CD276: variants seen among roughly 807,000 people sequenced by gnomAD.
The protein encoded by CD276 is CD276 molecule.
In CD276, 34 loss-of-function variants were observed where a neutral mutation model predicts 50.0. The ratio of observed to expected loss-of-function variants is 0.68; its 90% CI spans 0.52 to 0.91. CD276 has a LOEUF of 0.91. CD276 is among the 40% of genes least tolerant of loss of function. CD276 has a pLI of 0.00. For missense variants in CD276, 634 were observed against 717.5 expected (o/e 0.88, Z 1.33); for synonymous variants, 275 against 313.0 (o/e 0.88, Z 1.28).
At chr15:73,711,114 T>C (rs370916629) in intron 8 of CD276, 21 bp from the exon 9 acceptor site, 97 of 1,613,952 alleles carry the variant, frequency 6.0e-5, no homozygotes, top group Middle Eastern at 5.0e-4. Context: ...CCTCACCGTG[T>C]GCGCCTTCCT....
intron 9 of CD276, 60 bp downstream of exon 9, chr15:73,711,230 TGA>T: frequency 6.3e-7 from 1 of 1,575,270 alleles, no homozygotes; most frequent in Non-Finnish European, 8.7e-7. Flanking sequence ...TGTGAGAGGC[TGA>T]GAGGGTGGGT....
chr15:73,708,222 A>G (rs1406291360), intron 6 of CD276, 117 bp from the exon 7 acceptor site: 1 of 1,092,744 alleles, frequency 9.2e-7, no homozygotes, highest in Non-Finnish European at 1.3e-6. Flanking sequence ...AGCTTTATTC[A>G]TAGTGTTAGG....
intron 7 of CD276, among the ~76,000 whole-genome samples, chr15:73,709,142 G>A (rs1179676956): frequency 6.6e-6 from 1 of 152,186 alleles, no homozygotes; most frequent in Admixed American, 6.5e-5. Flanking sequence ...TGAGCAGGTA[G>A]ACGGCTGGTT....
At position 73,701,844 on chromosome 15, in the gene CD276, C is replaced by T. The variant is rs533766211; in HGVS notation, c.80-411C>T. 4.7e-4 allele frequency among the ~76,000 whole-genome samples: 72 copies of T among 152,336 alleles called. 2 individuals are homozygous for T. In the South Asian group the frequency reaches 8.1e-3, roughly 17 times the overall value. ...ACTCCCCAATTTATAACATTACTTA[C>T]GCTCATGGGGAAATGCACATGGTGC... On this transcript the variant is annotated intron_variant, in intron 2 of 9. Coordinates refer to ENST00000318443, the MANE Select transcript of CD276 (RefSeq NM_001024736.2).
intron 2 of CD276, 76 bp downstream of exon 2, chr15:73,699,794 TA>T (rs1900309300): frequency 3.4e-6 from 5 of 1,486,716 alleles, no homozygotes; most frequent in Admixed American, 2.3e-5. Flanking sequence ...CCACGCCTGT[TA>T]GGGGTCCTGC....
In CD276 at chr15:73,687,054, G is replaced by T. The variant is rs1265099716; in HGVS notation, c.-55+2594G>T. Among the ~76,000 whole-genome samples the T allele has an allele frequency of 6.6e-6, 1 of 152,116 alleles. No individual in the cohort carries two copies. The highest frequency in any genetic ancestry group is 1.5e-5 in the Non-Finnish European group (1 of 68,014). ...GCCTAGGGGAGGGGGAGAGGGGTGA[G>T]GACTGGTCCACATGATTTTTGAGAA... On this transcript the variant is annotated intron_variant, in intron 1 of 9. Transcript: ENST00000318443. The surrounding 1 kb of genome is among the most constrained non-coding windows in gnomAD (Gnocchi z 4.0).
chr15:73,712,652 G>A (rs1167299779), intron 9 of CD276, among the ~76,000 whole-genome samples: 1 of 152,222 alleles, frequency 6.6e-6, no homozygotes, highest in Non-Finnish European at 1.5e-5. Context: ...CGTAGAGGGA[G>A]AGTGGAGGGA....
intron 6 of CD276, among the ~76,000 whole-genome samples, chr15:73,705,556 CCCTT>C (rs1428080621): frequency 3.3e-5 from 5 of 152,114 alleles, no homozygotes; most frequent in East Asian, 1.9e-4. Context: ...GGAAAACACT[CCCTT>C]CCTGTGCTCT....
chr15:73,689,703 G>A (rs1899915967), intron 1 of CD276, among the ~76,000 whole-genome samples: 1 of 152,168 alleles, frequency 6.6e-6, no homozygotes. Context: ...TCATTACTAG[G>A]AAGTGACAGA....
chr15:73,708,634 TTG>T (rs939695831), intron 7 of CD276, 161 bp downstream of exon 7: 1 of 782,626 alleles, frequency 1.3e-6, no homozygotes, highest in Non-Finnish European at 2.0e-6. Flanking sequence ...AGTCTACGTC[TTG>T]TGTGTGTGAA....
intron 7 of CD276, chr15:73,708,704 G>A (rs1900755558): frequency 5.4e-6 from 3 of 558,672 alleles, no homozygotes; most frequent in Admixed American, 3.2e-5. Flanking sequence ...GGATGAGTGT[G>A]ACTGGAAGGT....
At chr15:73,712,829 G>C (rs1900962032) in intron 9 of CD276, 105 bp from the exon 10 acceptor site, 3 of 1,181,554 alleles carry the variant, frequency 2.5e-6, no homozygotes, top group East Asian at 4.8e-5. Context: ...CTCCCCACTT[G>C]AAGTCTGACC....
Position 73,713,276 on chromosome 15 carries a change from C to T in CD276, c.*320C>T. On this transcript the variant is annotated 3_prime_UTR_variant, in exon 10 of 10. Transcript: ENST00000318443. ...ACACAGTACACTGACCACATCACCA[C>T]CCTCTTCTTCCAGTGCTGCGTGGAC... 3 of 358,916 alleles carry T rather than the reference C, an allele frequency of 8.4e-6. No homozygotes were observed. Among genetic ancestry groups the T allele is most frequent in the Non-Finnish European group, 1.5e-5 (3 of 199,256 alleles). 22.2% of individuals were successfully genotyped at this position (358,916 alleles called of 1,614,324 possible).
At chr15:73,689,755 C>T (rs1230953873) in intron 1 of CD276, among the ~76,000 whole-genome samples, 3 of 152,190 alleles carry the variant, frequency 2.0e-5, no homozygotes, top group South Asian at 4.1e-4. Flanking sequence ...AAGTCATCTT[C>T]TTAAACACTA....
chr15:73,700,881 T>TTCCTCTCC (rs1900352262), intron 2 of CD276, among the ~76,000 whole-genome samples: 1 of 60,894 alleles, frequency 1.6e-5, no homozygotes, highest in African/African-American at 7.0e-5. Context: ...GGGGGTTCGC[T>TTCCTCTCC]TCCCCTCCTC....
chr15:73,690,702 T>C (rs1295414849), intron 1 of CD276: 3 of 455,982 alleles, frequency 6.6e-6, no homozygotes, highest in South Asian at 3.1e-5. Flanking sequence ...ACAGTGGCAA[T>C]TAAATTTCAA....
chr15:73,702,629 C>T (rs1324720027), intron 3 of CD276, 36 bp downstream of exon 3: 1 of 1,583,578 alleles, frequency 6.3e-7, no homozygotes, highest in Non-Finnish European at 8.6e-7. Flanking sequence ...CCCCTTAGTT[C>T]ACCCTCCATT....
At position 73,703,866 on chromosome 15, in the gene CD276, T is replaced by A. The variant is rs1489972757; in HGVS notation, c.941T>A (p.Phe314Tyr). The A allele has an allele frequency of 6.2e-7, 1 of 1,613,682 alleles. No individual in the cohort carries two copies. The highest frequency in any genetic ancestry group is 1.7e-5 in the Admixed American group (1 of 60,018). The change falls in exon 5 of 10, where the codon TTC becomes TAC. Residue 314 changes from phenylalanine (F) to tyrosine (Y), a missense_variant. Coordinates refer to ENST00000318443, the MANE Select transcript of CD276 (RefSeq NM_001024736.2). The stretch of plus-strand genomic sequence containing the variant: ...GCCTATGCCAACCGCACGGCCCTCT[T>A]CCCGGACCTGCTGGCACAAGGCAAT... Reference protein sequence around the residue: ...GSAYANRTALFPDLLAQGNAS... With the variant: ...GSAYANRTALYPDLLAQGNAS...
rs1350637886 is a variant in CD276, at chr15:73,704,394, G to A, written c.1291G>A (p.Gly431Ser). Reference protein sequence around the residue: ...DVHSVLRVVLGANGTYSCLVR... With the variant: ...DVHSVLRVVLSANGTYSCLVR... ...GCACAGCGTCCTGCGGGTGGTGCTG[G>A]GTGCGAATGGCACCTACAGCTGCCT... The change falls in exon 6 of 10, where the codon GGT becomes AGT. Residue 431 changes from glycine to serine, a missense_variant. Transcript: ENST00000318443. This position sits in a 1 kb window ranked among gnomAD's most constrained non-coding sequence, Gnocchi z 4.1. 2.5e-6 allele frequency: 4 copies of A among 1,614,110 alleles called. No homozygotes were observed. The highest frequency in any genetic ancestry group is 3.4e-6 in the Non-Finnish European group (4 of 1,180,042).
Sources: gnomAD v4.1 joint callset for allele counts (sites outside exome capture counted in the v4.1 genomes callset) on GRCh38, gnomAD v4.1.1 for gene constraint, Gnocchi (gnomAD v3.1) non-coding constraint, MANE v1.5 for transcripts, NCBI Gene and HGNC (gene_info 2026-07-23, HGNC 2026-07-21) for gene names.